TBC1D2B: variants seen among roughly 807,000 people sequenced by gnomAD.
TBC1D2B encodes the protein TBC1 domain family, member 2B.
Under a neutral mutation model 100.8 loss-of-function variants are expected in TBC1D2B, and 64 were observed. The ratio of observed to expected loss-of-function variants is 0.64; its 90% CI spans 0.52 to 0.78. The LOEUF is 0.78. TBC1D2B is among the 30% of genes least tolerant of loss of function. TBC1D2B has a pLI of 0.00. For synonymous variants in TBC1D2B, 480 were observed against 479.7 expected (o/e 1.00, Z -0.01); for missense variants, 1,052 against 1,218.4 (o/e 0.86, Z 2.03).
At position 78,024,345 on chromosome 15, in the gene TBC1D2B, C is replaced by T. The variant is rs1467103251; in HGVS notation, c.1281G>A (p.Arg427=). 3 of 1,614,086 alleles carry T rather than the reference C, an allele frequency of 1.9e-6. No homozygotes were observed. ...GCTCGCCCACTTTGCTCTTCAGCGT[C>T]CTTACTTCCTGCTGAAGACTCTCCT... is the stretch of plus-strand genomic sequence containing the variant. ...LEKESLQQEV[R]TLKSKVGELN... The change falls in exon 6 of 13, where the codon AGG becomes AGA. Residue 427 remains arginine, a synonymous_variant. Coordinates refer to ENST00000300584, the MANE Select transcript of TBC1D2B (RefSeq NM_144572.2).
At chr15:78,031,385 C>G (rs1444191662) in intron 3 of TBC1D2B, among the ~76,000 whole-genome samples, 1 of 151,860 alleles carries the variant, frequency 6.6e-6, no homozygotes, top group Non-Finnish European at 1.5e-5. Context: ...GAAACTCTGT[C>G]TCTACTAAAA....
chr15:78,027,370 G>A (rs1596315714), intron 4 of TBC1D2B, among the ~76,000 whole-genome samples: 1 of 152,168 alleles, frequency 6.6e-6, no homozygotes, highest in Non-Finnish European at 1.5e-5. Flanking sequence ...TTTCTGATTT[G>A]GGGACTTTTC....
intron 8 of TBC1D2B, among the ~76,000 whole-genome samples, chr15:78,014,547 G>A (rs1351965025): frequency 6.6e-6 from 1 of 152,306 alleles, no homozygotes; most frequent in East Asian, 1.9e-4. Context: ...CCTCCATGAG[G>A]GGAAGGAATA....
chr15:78,014,905 A>T (rs941444693), intron 8 of TBC1D2B, among the ~76,000 whole-genome samples: 5 of 152,248 alleles, frequency 3.3e-5, no homozygotes, highest in Non-Finnish European at 7.3e-5. Context: ...ATTTGCTTTA[A>T]AATATTCCAG....
chr15:78,064,996 T>C (rs185619279), intron 1 of TBC1D2B, among the ~76,000 whole-genome samples: 30 of 152,342 alleles, frequency 2.0e-4, no homozygotes, highest in Non-Finnish European at 5.9e-5. Context: ...AAAATAGTTC[T>C]AATCTAGCCC....
At chr15:78,054,408 CTT>C (rs754594572) in intron 1 of TBC1D2B, among the ~76,000 whole-genome samples, 25 of 152,332 alleles carry the variant, frequency 1.6e-4, no homozygotes, top group Non-Finnish European at 2.4e-4. Flanking sequence ...AACAAGAAGT[CTT>C]TTTAAATTCT....
chr15:78,045,542 G>A (rs902839541), intron 2 of TBC1D2B, among the ~76,000 whole-genome samples: 1 of 143,424 alleles, frequency 7.0e-6, no homozygotes, highest in Non-Finnish European at 1.6e-5. Context: ...TGTAAAGAGT[G>A]ACAGTGAAAA....
intron 3 of TBC1D2B, among the ~76,000 whole-genome samples, chr15:78,042,900 A>G (rs781756144): frequency 2.6e-5 from 4 of 152,164 alleles, no homozygotes; most frequent in Non-Finnish European, 5.9e-5. Flanking sequence ...GAGCTGACTC[A>G]AGAGAGAAAA....
At chr15:78,069,794 G>T (rs1275923383) in intron 1 of TBC1D2B, among the ~76,000 whole-genome samples, 2 of 152,198 alleles carry the variant, frequency 1.3e-5, no homozygotes, top group African/African-American at 4.8e-5. Flanking sequence ...GAAGGAACTT[G>T]TCTGTCCCCT....
chr15:78,029,611 T>C (rs1328077366), intron 4 of TBC1D2B, among the ~76,000 whole-genome samples: 1 of 152,176 alleles, frequency 6.6e-6, no homozygotes, highest in African/African-American at 2.4e-5. Context: ...GTGCAGGAGC[T>C]TAGAGACGGA....
At chr15:78,063,171 C>T (rs567672329) in intron 1 of TBC1D2B, among the ~76,000 whole-genome samples, 3 of 152,140 alleles carry the variant, frequency 2.0e-5, no homozygotes, top group African/African-American at 7.2e-5. Flanking sequence ...ACAAAGTACT[C>T]GTGTATCAAC....
At chr15:78,015,411 A>G (rs921720566) in intron 8 of TBC1D2B, among the ~76,000 whole-genome samples, 2 of 152,216 alleles carry the variant, frequency 1.3e-5, no homozygotes, top group Admixed American at 1.3e-4. Context: ...AAATAAACCA[A>G]TATATATGGT....
intron 1 of TBC1D2B, among the ~76,000 whole-genome samples, chr15:78,071,789 TACCTGGGC>T: frequency 6.6e-6 from 1 of 152,344 alleles, no homozygotes; most frequent in African/African-American, 2.4e-5. Flanking sequence ...AACAAATGTC[TACCTGGGC>T]ACCTTACCTT....
chr15:78,028,021 A>C (rs1368863911), intron 4 of TBC1D2B, among the ~76,000 whole-genome samples: 1 of 152,162 alleles, frequency 6.6e-6, no homozygotes, highest in Non-Finnish European at 1.5e-5. Flanking sequence ...CAGAAAAAAT[A>C]TTTCCTTTCC....
At chr15:78,000,728 G>C (rs980796022) in intron 12 of TBC1D2B, among the ~76,000 whole-genome samples, 3 of 152,248 alleles carry the variant, frequency 2.0e-5, no homozygotes, top group Non-Finnish European at 4.4e-5. Flanking sequence ...CAGTCCAGGG[G>C]ACATACAGAC....
intron 1 of TBC1D2B, among the ~76,000 whole-genome samples, chr15:78,069,757 T>C (rs1438693374): frequency 6.6e-6 from 1 of 152,172 alleles, no homozygotes; most frequent in Non-Finnish European, 1.5e-5. Flanking sequence ...CATACATATA[T>C]ACAAACATAC....
At chr15:78,025,126 C>G (rs2072625717) in intron 5 of TBC1D2B, 133 bp downstream of exon 5, 2 of 716,818 alleles carry the variant, frequency 2.8e-6, no homozygotes, top group Admixed American at 2.8e-5. Context: ...AATATGAAAC[C>G]TCCAGGGGAA....
At chr15:78,021,822 A>C (rs1375959876) in intron 6 of TBC1D2B, among the ~76,000 whole-genome samples, 2 of 151,900 alleles carry the variant, frequency 1.3e-5, no homozygotes, top group African/African-American at 4.9e-5. Flanking sequence ...CTGCAAAAAG[A>C]AAAGAGGAGG....
rs188724846 is a variant in TBC1D2B, at chr15:78,025,331, G to A, written c.1014C>T (p.Ser338=). 12 of 1,613,832 alleles carry A rather than the reference G, an allele frequency of 7.4e-6. No homozygotes were observed. The highest frequency in any genetic ancestry group is 4.0e-5 in the African/African-American group (3 of 74,984). Residue 338 remains serine (S), a synonymous_variant, in exon 5 of 13, where the codon TCC becomes TCT. Transcript: ENST00000300584. ...GGCTCTGGACCTGCAGTTGCATTTC[G>A]GAGGCCGGCTTCCTGATGCTGACGC... ...SGSVSIRKPA[S]EMQLQVQSQQ... is the part of the protein sequence containing the mutation.
Sources: gnomAD v4.1 joint callset for allele counts (sites outside exome capture counted in the v4.1 genomes callset) on GRCh38, gnomAD v4.1.1 for gene constraint, MANE v1.5 for transcripts, NCBI Gene and HGNC (gene_info 2026-07-23, HGNC 2026-07-21) for gene names.